Variants in RBFOX1 observed in about 807,000 individuals in gnomAD.
The protein encoded by RBFOX1 is RNA binding protein fox-1 homolog 1.
A neutral mutation model predicts 57.7 loss-of-function variants in RBFOX1; 8 were observed. The ratio of observed to expected loss-of-function variants is 0.14; its 90% CI spans 0.08 to 0.25. RBFOX1 has a LOEUF of 0.25. Among genes scored for constraint, RBFOX1 ranks in the 10% least tolerant of loss-of-function variants. The pLI is 1.00. For synonymous variants in RBFOX1, 326 were observed against 222.4 expected, an observed-to-expected ratio of 1.47 and a Z score of -4.15; for missense variants, 611 against 548.5, an observed-to-expected ratio of 1.11 and a Z score of -1.14.
At chr16:7,580,053 C>A in intron 6 of RBFOX1, 133 bp downstream of exon 6, 1 of 952,068 alleles carries the variant, frequency 1.1e-6, no homozygotes, top group Non-Finnish European at 1.6e-6. Context: ...AGAGCCTAGT[C>A]TGCAGGTATA....
chr16:5,294,690 G>C (rs1470976011), intron 1 of RBFOX1, among the ~76,000 whole-genome samples: 1 of 151,944 alleles, frequency 6.6e-6, no homozygotes, highest in Non-Finnish European at 1.5e-5. Flanking sequence ...TTTCACATTT[G>C]GACCCCTTTG....
intron 1 of RBFOX1, among the ~76,000 whole-genome samples, chr16:5,440,322 C>G (rs2068046326): frequency 1.3e-5 from 2 of 152,130 alleles, no homozygotes; most frequent in Admixed American, 1.3e-4. Flanking sequence ...GATGCTTGCC[C>G]TTCAACTTTG....
chr16:6,773,225 GTGGGGTGCATTTGTGTGTGTGTGTGGGCA>G (rs1242048315), intron 3 of RBFOX1, among the ~76,000 whole-genome samples: 2 of 138,458 alleles, frequency 1.4e-5, no homozygotes, highest in Non-Finnish European at 3.1e-5. Flanking sequence ...ATGTGTGGGT[GTGGGGTGCATTTGTGTGTGTGTGTGGGCA>G]TGGGGTGCAT....
chr16:6,737,070 T>A (rs999357039), intron 3 of RBFOX1, among the ~76,000 whole-genome samples: 4 of 152,174 alleles, frequency 2.6e-5, no homozygotes, highest in African/African-American at 9.7e-5. Context: ...GTCAGATACT[T>A]CAGTGGGCAG....
At chr16:7,285,867 C>G (rs181951968) in intron 4 of RBFOX1, among the ~76,000 whole-genome samples, 1 of 152,116 alleles carries the variant, frequency 6.6e-6, no homozygotes, top group Non-Finnish European at 1.5e-5. Context: ...TTTGTGTGAA[C>G]ACAAGATTCC....
chr16:7,204,977 T>C (rs760083510), intron 4 of RBFOX1, among the ~76,000 whole-genome samples: 1 of 152,194 alleles, frequency 6.6e-6, no homozygotes, highest in Non-Finnish European at 1.5e-5. Context: ...CCAAAGAATA[T>C]TGTGACTTTC....
chr16:6,347,799 C>G (rs551417528), intron 2 of RBFOX1, among the ~76,000 whole-genome samples: 1 of 152,336 alleles, frequency 6.6e-6, no homozygotes, highest in South Asian at 2.1e-4. Context: ...CTGCCTGGCC[C>G]ATTCCTCTAA....
At chr16:6,106,863 G>C (rs555278617) in intron 1 of RBFOX1, among the ~76,000 whole-genome samples, 55 of 151,944 alleles carry the variant, frequency 3.6e-4, no homozygotes, top group African/African-American at 1.2e-3. Context: ...AGTAGAGACG[G>C]GGTTTCACTG....
chr16:7,043,863 C>T (rs994726403), intron 3 of RBFOX1, among the ~76,000 whole-genome samples: 4 of 152,184 alleles, frequency 2.6e-5, no homozygotes, highest in African/African-American at 9.7e-5. Flanking sequence ...TCCACACATC[C>T]TCCTGCCTTT....
chr16:6,986,440 C>G (rs990320024), intron 3 of RBFOX1, among the ~76,000 whole-genome samples: 2 of 151,942 alleles, frequency 1.3e-5, no homozygotes, highest in Non-Finnish European at 2.9e-5. Flanking sequence ...CTCAAGTGAT[C>G]CCCCTGCCTC....
chr16:6,535,978 C>T lies in RBFOX1; in HGVS notation c.-63-118625C>T, dbSNP rs554234182. The stretch of plus-strand genomic sequence containing the variant: ...AGATGCCTCTTTAGTTTCTATCCAA[C>T]GACTTCATATATATCTATCTCTAGG... On this transcript the variant is annotated intron_variant, in intron 2 of 15. Transcript: ENST00000550418. 1.1e-4 allele frequency among the ~76,000 whole-genome samples: 16 copies of T among 152,238 alleles called. No homozygotes were observed. In the South Asian group the frequency reaches 2.5e-3, roughly 24 times the overall value.
chr16:6,042,112 T>G (rs962173628), intron 1 of RBFOX1, among the ~76,000 whole-genome samples: 5 of 151,644 alleles, frequency 3.3e-5, no homozygotes, highest in Non-Finnish European at 7.4e-5. Flanking sequence ...CTTTTTTTTT[T>G]TTTTTTGAGA....
At chr16:7,681,290 G>T (rs928579399) in intron 14 of RBFOX1, among the ~76,000 whole-genome samples, 1 of 152,226 alleles carries the variant, frequency 6.6e-6, no homozygotes, top group African/African-American at 2.4e-5. Context: ...AATGGAAAAA[G>T]AGGGAAGGAA....
At chr16:7,291,369 A>C (rs1013443306) in intron 4 of RBFOX1, among the ~76,000 whole-genome samples, 1 of 152,210 alleles carries the variant, frequency 6.6e-6, no homozygotes, top group African/African-American at 2.4e-5. Flanking sequence ...TTACCTAAGT[A>C]TAGCTTTTTC....
At chr16:6,832,117 C>T (rs1400307105) in intron 3 of RBFOX1, among the ~76,000 whole-genome samples, 1 of 152,132 alleles carries the variant, frequency 6.6e-6, no homozygotes, top group Admixed American at 6.6e-5. Context: ...TAGGATAAAA[C>T]TTTTTCCTGA....
intron 4 of RBFOX1, among the ~76,000 whole-genome samples, chr16:7,164,699 T>A (rs974392354): frequency 6.6e-6 from 1 of 152,232 alleles, no homozygotes; most frequent in Non-Finnish European, 1.5e-5. Context: ...CACATTTCTA[T>A]TCAGTTTTCC....
At chr16:6,252,882 G>C (rs1178267380) in intron 1 of RBFOX1, among the ~76,000 whole-genome samples, 1 of 152,102 alleles carries the variant, frequency 6.6e-6, no homozygotes, top group African/African-American at 2.4e-5. Context: ...CATCTAGATG[G>C]CTAATAATAG....
chr16:5,589,797 C>A (rs9925576), intron 2 of RBFOX1, among the ~76,000 whole-genome samples: 1 of 152,116 alleles, frequency 6.6e-6, no homozygotes, highest in Admixed American at 6.5e-5. Context: ...CCCAGACAGA[C>A]TCCTGGCTTG....
intron 4 of RBFOX1, among the ~76,000 whole-genome samples, chr16:7,419,700 G>C (rs1453033001): frequency 6.6e-6 from 1 of 152,098 alleles, no homozygotes; most frequent in African/African-American, 2.4e-5. Context: ...CCCTCCAGTA[G>C]TTCCTGTTTT....
Sources: gnomAD v4.1 joint callset for allele counts (sites outside exome capture counted in the v4.1 genomes callset) on GRCh38, gnomAD v4.1.1 for gene constraint, MANE v1.5 for transcripts, NCBI Gene and HGNC (gene_info 2026-07-23, HGNC 2026-07-21) for gene names.